Variants in ORC6 observed in about 807,000 individuals in gnomAD.
ORC6 encodes the protein origin recognition complex subunit 6.
In ORC6, 31 loss-of-function variants were observed where a neutral mutation model predicts 30.0. That is an observed-to-expected ratio of 1.03 (90% CI 0.78 to 1.40). ORC6 has a LOEUF of 1.40. Ranked by LOEUF, ORC6 falls within the 40% of genes most tolerant of loss-of-function variation. ORC6 has a pLI of 0.00. For synonymous variants in ORC6, 136 were observed against 111.2 expected, an observed-to-expected ratio of 1.22 and a Z score of -1.40; for missense variants, 340 against 304.3, an observed-to-expected ratio of 1.12 and a Z score of -0.87.
intron 3 of ORC6, among the ~76,000 whole-genome samples, chr16:46,692,891 G>GT (rs1000426565): frequency 6.6e-6 from 1 of 151,128 alleles, no homozygotes; most frequent in Non-Finnish European, 1.5e-5. Flanking sequence ...GGTGGCGGTG[G>GT]GGGGGACCAG....
At position 46,689,682 on chromosome 16, in the gene ORC6, A is replaced by G. The variant is rs902049971; in HGVS notation, c.-24A>G. On this transcript the variant is annotated 5_prime_UTR_variant, in exon 1 of 7. Coordinates refer to ENST00000219097, the MANE Select transcript of ORC6 (RefSeq NM_014321.4). ...TCGTTGACCCGCGGCGTTCACGGGA[A>G]TTGTTCGCTTTAGTGCCGGCGCCAT... 6.3e-7 allele frequency: 1 copy of G among 1,594,062 alleles called. No homozygotes were observed. Among genetic ancestry groups the G allele is most frequent in the Non-Finnish European group, 8.5e-7 (1 of 1,169,924 alleles).
rs555565313 is a variant in ORC6, at chr16:46,696,327, G to A, written c.631+242G>A. On this transcript the variant is annotated intron_variant, in intron 6 of 6. Transcript: ENST00000219097. The stretch of plus-strand genomic sequence containing the variant: ...TCCCAGCACTTTGGGAGGCTGAGGC[G>A]GGAGGATTGCTTGAGCCCATGAGTG... 53 of 535,764 alleles carry A rather than the reference G, an allele frequency of 9.9e-5. 1 individual carries two copies. The highest frequency in any genetic ancestry group is 8.7e-4 in the South Asian group (44 of 50,662). 33.2% of individuals were successfully genotyped at this position (535,764 alleles called of 1,614,324 possible).
At chr16:46,695,796 G>C (rs548838432) in intron 5 of ORC6, 122 bp downstream of exon 5, 3 of 771,968 alleles carry the variant, frequency 3.9e-6, no homozygotes, top group Non-Finnish European at 6.9e-6. Flanking sequence ...ATGTGGACCA[G>C]GTATGTTTTT....
intron 4 of ORC6, 116 bp from the exon 5 acceptor site, chr16:46,695,446 A>T: frequency 1.4e-6 from 1 of 703,220 alleles, no homozygotes; most frequent in East Asian, 2.7e-5. Flanking sequence ...GAAGGAAAAA[A>T]ACTAGACAGA....
chr16:46,696,247 C>G, intron 6 of ORC6, 162 bp downstream of exon 6: 1 of 677,818 alleles, frequency 1.5e-6, no homozygotes, highest in East Asian at 2.7e-5. Context: ...GAAGTAACAT[C>G]GTTATTGGGT....
Position 46,698,057 on chromosome 16 carries a change from G to A in ORC6, c.*472G>A. The A allele has an allele frequency of 2.4e-6, 1 of 412,984 alleles. No individual in the cohort carries two copies. Among genetic ancestry groups the A allele is most frequent in the Non-Finnish European group, 4.9e-6 (1 of 203,678 alleles). 25.6% of individuals were successfully genotyped at this position (412,984 alleles called of 1,614,324 possible). ...TTGAACGTGGGAGGCAGAGGTTGCA[G>A]TGAGCCGAGATTGCACCACCGCACT... On this transcript the variant is annotated 3_prime_UTR_variant, in exon 7 of 7. Transcript: ENST00000219097.
rs1234721765 is a variant in ORC6 at position 46,689,897 on chromosome 16, G to T, written c.65+127G>T. ...GACGGGGAGCGCTGGGGCCGGGCGG[G>T]GTTTAGGGCCTACTTCAAGAAAAAC... On this transcript the variant is annotated intron_variant, in intron 1 of 6. Coordinates refer to ENST00000219097, the MANE Select transcript of ORC6 (RefSeq NM_014321.4). 7 of 1,371,582 alleles carry T rather than the reference G, an allele frequency of 5.1e-6. 1 individual carries two copies. The East Asian group carries it at 1.1e-4, about 21-fold the overall frequency. 85.0% of individuals were successfully genotyped at this position (1,371,582 alleles called of 1,614,324 possible). A position where few individuals can be genotyped will look rare whatever the true frequency, so the allele number is the denominator to read the frequency against.
At chr16:46,694,578 C>T (rs1286713456) in intron 4 of ORC6, 1 of 93,246 alleles carries the variant, frequency 1.1e-5, no homozygotes, top group South Asian at 4.5e-4. Flanking sequence ...GGCAGCTGGC[C>T]GGGCAGAGGG....
intron 4 of ORC6, chr16:46,695,025 C>G (rs996391380): frequency 6.1e-6 from 1 of 164,562 alleles, no homozygotes; most frequent in Non-Finnish European, 1.3e-5. Context: ...GGGAGTGCAG[C>G]TGATATTGTA....
intron 2 of ORC6, 66 bp downstream of exon 2, chr16:46,691,186 T>C: frequency 6.7e-7 from 1 of 1,500,254 alleles, no homozygotes; most frequent in South Asian, 1.1e-5. Context: ...AACTTTTGGT[T>C]GAACTAAACC....
intron 2 of ORC6, among the ~76,000 whole-genome samples, chr16:46,691,958 A>ACACACACCCTCTCTCTCTCTCTCT: frequency 5.5e-5 from 2 of 36,664 alleles, no homozygotes; most frequent in East Asian, 8.8e-4. Context: ...ACACACACAC[A>ACACACACCCTCTCTCTCTCTCTCT]CTCTCTCTCT....
In ORC6 at chr16:46,696,091, T is replaced by G. The variant is rs369537126; in HGVS notation, c.631+6T>G. Reference sequence around the variant, plus strand: ...GGTTGAAGCCCCAGCAAAGGGTAAGTTTTACTAACACGGTACTGACGTTGA... The same window carrying G: ...GGTTGAAGCCCCAGCAAAGGGTAAGGTTTACTAACACGGTACTGACGTTGA... On this transcript the variant is annotated splice_donor_region_variant and intron_variant, in intron 6 of 6. Coordinates refer to ENST00000219097, the MANE Select transcript of ORC6 (RefSeq NM_014321.4). 3.7e-5 allele frequency: 60 copies of G among 1,601,076 alleles called. No homozygotes were observed. The highest frequency in any genetic ancestry group is 1.6e-4 in the Middle Eastern group (1 of 6,064).
Position 46,689,710 on chromosome 16 carries a change from G to A in ORC6, c.5G>A (p.Gly2Glu), listed in dbSNP as rs761208871. The change falls in exon 1 of 7, where the codon GGG (glycine) becomes GAG (glutamate). Residue 2 changes from glycine to glutamate, a missense_variant. Coordinates refer to ENST00000219097, the MANE Select transcript of ORC6 (RefSeq NM_014321.4). Reference protein sequence around the residue: MGSELIGRLAPR... With the variant: MESELIGRLAPR... ...GTTCGCTTTAGTGCCGGCGCCATGG[G>A]GTCGGAGCTGATCGGGCGCCTAGCC... 1 of 1,601,558 alleles carries A rather than the reference G, an allele frequency of 6.2e-7. No individual in the cohort carries two copies. The highest frequency in any genetic ancestry group is 1.7e-5 in the Admixed American group (1 of 58,586).
intron 1 of ORC6, 67 bp downstream of exon 1, chr16:46,689,837 CCG>C: frequency 6.7e-7 from 1 of 1,489,458 alleles, no homozygotes; most frequent in Non-Finnish European, 8.9e-7. Flanking sequence ...CAGGTGAGGC[CCG>C]CGCCCTTCCC....
At chr16:46,689,807 G>A (rs758374532) in intron 1 of ORC6, 37 bp downstream of exon 1, 1 of 1,555,396 alleles carries the variant, frequency 6.4e-7, no homozygotes, top group South Asian at 1.2e-5. Flanking sequence ...CTGGGCTTCC[G>A]CCTCGCGGCC....
Position 46,695,612 on chromosome 16 carries a change from T to TAA in ORC6, c.506_507dup (p.Ala170LysfsTer11). 6.2e-7 allele frequency: 1 copy of TAA among 1,613,810 alleles called. No individual in the cohort carries two copies. Among genetic ancestry groups the TAA allele is most frequent in the South Asian group, 1.1e-5 (1 of 91,080 alleles). ...AACAAAATGGTAGCCACATCCGGTGTAAAAAAAGCTATATTTGATCGACTG... is the reference window on the plus strand; with the variant it reads ...AACAAAATGGTAGCCACATCCGGTGTAAAAAAAAAGCTATATTTGATCGACTG... On this transcript the variant is annotated frameshift_variant, in exon 5 of 7. Transcript: ENST00000219097. LOFTEE classifies it high-confidence loss of function.
chr16:46,697,011 A>C (rs1966524596), intron 6 of ORC6, among the ~76,000 whole-genome samples: 1 of 152,244 alleles, frequency 6.6e-6, no homozygotes, highest in Non-Finnish European at 1.5e-5. Context: ...TTCCTGACCT[A>C]TAAAATGTGA....
In ORC6 at chr16:46,698,260, G is replaced by A. The variant is rs1966545550; in HGVS notation, c.*675G>A. ...TGCTTTAAGTGAATGGCAGTCCCTTGTCTTATTCAGAATATAAAATTCAGT... is the reference window on the plus strand; with the variant it reads ...TGCTTTAAGTGAATGGCAGTCCCTTATCTTATTCAGAATATAAAATTCAGT... On this transcript the variant is annotated 3_prime_UTR_variant, in exon 7 of 7. Transcript: ENST00000219097. 2.2e-6 allele frequency: 1 copy of A among 455,066 alleles called. No individual in the cohort carries two copies. The highest frequency in any genetic ancestry group is 2.4e-5 in the Admixed American group (1 of 42,510). 28.2% of individuals were successfully genotyped at this position (455,066 alleles called of 1,614,324 possible).
Position 46,689,761 on chromosome 16 carries a change from A to C in ORC6, c.56A>C (p.Asp19Ala). 1 of 1,597,172 alleles carries C rather than the reference A, an allele frequency of 6.3e-7. No individual in the cohort carries two copies. Among genetic ancestry groups the C allele is most frequent in the Non-Finnish European group, 8.5e-7 (1 of 1,172,706 alleles). ...CCGCGCCTGGGCCTCGCCGAGCCCG[A>C]CATGCTGAGGTGAGTTCGGCCGCGC... Reference protein sequence around the residue: ...LAPRLGLAEPDMLRKAEEYLR... With the variant: ...LAPRLGLAEPAMLRKAEEYLR... The change falls in exon 1 of 7, where the codon GAC becomes GCC. Residue 19 changes from aspartate (D) to alanine (A), a missense_variant. Coordinates refer to ENST00000219097, the MANE Select transcript of ORC6 (RefSeq NM_014321.4).
Sources: gnomAD v4.1 joint callset for allele counts (sites outside exome capture counted in the v4.1 genomes callset) on GRCh38, gnomAD v4.1.1 for gene constraint, MANE v1.5 for transcripts, NCBI Gene and HGNC (gene_info 2026-07-23, HGNC 2026-07-21) for gene names.